SORCS2: variants seen among roughly 807,000 people sequenced by gnomAD.
The protein encoded by SORCS2 is sortilin related VPS10 domain containing receptor 2.
A neutral mutation model predicts 141.6 loss-of-function variants in SORCS2; 100 were observed. The ratio of observed to expected loss-of-function variants is 0.71; its 90% CI spans 0.60 to 0.83. The LOEUF is 0.83. Among genes scored for constraint, SORCS2 ranks in the 40% least tolerant of loss-of-function variants. SORCS2 has a pLI of 0.00. For synonymous variants in SORCS2, 789 were observed against 676.9 expected (o/e 1.17, Z -2.57); for missense variants, 1,646 against 1,560.2 (o/e 1.05, Z -0.93).
chr4:7,348,433 A>C (rs1251029696), intron 1 of SORCS2, among the ~76,000 whole-genome samples: 1 of 152,190 alleles, frequency 6.6e-6, no homozygotes, highest in Non-Finnish European at 1.5e-5. Flanking sequence ...GCTTCCCCAC[A>C]ATGGCCCCAC....
At chr4:7,280,278 G>A (rs1167884823) in intron 1 of SORCS2, among the ~76,000 whole-genome samples, 1 of 152,046 alleles carries the variant, frequency 6.6e-6, no homozygotes, top group African/African-American at 2.4e-5. Flanking sequence ...TAGGAAGAGG[G>A]GCACTGGGTC....
chr4:7,469,423 T>G (rs1729836629), intron 2 of SORCS2, among the ~76,000 whole-genome samples: 2 of 152,240 alleles, frequency 1.3e-5, no homozygotes, highest in Admixed American at 1.3e-4. Context: ...ACCCTAATCC[T>G]AAGCTGTGGT....
At chr4:7,329,945 C>T (rs968255103) in intron 1 of SORCS2, among the ~76,000 whole-genome samples, 5 of 152,110 alleles carry the variant, frequency 3.3e-5, no homozygotes, top group African/African-American at 1.2e-4. Context: ...TTTGGTCTTA[C>T]ACTTTGAGAG....
Position 7,572,990 on chromosome 4 carries a change from T to G in SORCS2, c.648+41361T>G, listed in dbSNP as rs372425096. Among the ~76,000 whole-genome samples the G allele has an allele frequency of 9.8e-5, 15 of 152,324 alleles. No individual in the cohort carries two copies. The East Asian group carries it at 1.9e-3, about 20-fold the overall frequency. ...TGCCCCGTCATAGTCTAAATCCCTTTGGAAAGGAGAGCTTTTTCTCACTTA... is the reference window on the plus strand; with the variant it reads ...TGCCCCGTCATAGTCTAAATCCCTTGGGAAAGGAGAGCTTTTTCTCACTTA... On this transcript the variant is annotated intron_variant, in intron 3 of 26. Transcript: ENST00000507866.
intron 2 of SORCS2, among the ~76,000 whole-genome samples, chr4:7,459,812 C>T (rs1163166421): frequency 6.6e-6 from 1 of 152,194 alleles, no homozygotes; most frequent in Non-Finnish European, 1.5e-5. Context: ...CCTGTGAAGC[C>T]AGCCTGGTCA....
intron 2 of SORCS2, among the ~76,000 whole-genome samples, chr4:7,447,920 A>T (rs1187377093): frequency 6.6e-6 from 1 of 151,348 alleles, no homozygotes. Context: ...CCGCCCCTAG[A>T]TGTGGCCTTC....
At chr4:7,417,037 C>G (rs1725746639) in intron 2 of SORCS2, among the ~76,000 whole-genome samples, 1 of 152,198 alleles carries the variant, frequency 6.6e-6, no homozygotes, top group Non-Finnish European at 1.5e-5. Flanking sequence ...AAGTGACATT[C>G]TGCCCTGGGG....
rs534377487 is a variant in SORCS2, at chr4:7,353,535, G to C, written c.481-42753G>C. Among the ~76,000 whole-genome samples, 38 of 152,354 alleles carry C rather than the reference G, an allele frequency of 2.5e-4. No individual in the cohort carries two copies. The South Asian group carries it at 7.7e-3, about 31-fold the overall frequency. ...GGCCCAGCATGAGGCCTGGCACTTA[G>C]TAGATGCTCAGTAAATCACTGTGGA... is the stretch of plus-strand genomic sequence containing the variant. On this transcript the variant is annotated intron_variant, in intron 1 of 26. Coordinates refer to ENST00000507866, the MANE Select transcript of SORCS2 (RefSeq NM_020777.3).
At chr4:7,451,694 C>T (rs1249163545) in intron 2 of SORCS2, among the ~76,000 whole-genome samples, 3 of 152,220 alleles carry the variant, frequency 2.0e-5, no homozygotes, top group Non-Finnish European at 4.4e-5. Flanking sequence ...CTGGGCTTTG[C>T]CACTGGGGTG....
chr4:7,645,131 A>C (rs1280261835), intron 4 of SORCS2, among the ~76,000 whole-genome samples: 1 of 152,210 alleles, frequency 6.6e-6, no homozygotes, highest in Non-Finnish European at 1.5e-5. Flanking sequence ...ACCCACGGTG[A>C]CGACTCGCTT....
chr4:7,714,227 G>T lies in SORCS2; in HGVS notation c.1990-13G>T. 6.2e-7 allele frequency: 1 copy of T among 1,608,422 alleles called. No individual in the cohort carries two copies. Among genetic ancestry groups the T allele is most frequent in the South Asian group, 1.1e-5 (1 of 89,218 alleles). On this transcript the variant is annotated splice_polypyrimidine_tract_variant and intron_variant, in intron 15 of 26. Coordinates refer to ENST00000507866, the MANE Select transcript of SORCS2 (RefSeq NM_020777.3). The stretch of plus-strand genomic sequence containing the variant: ...GTCTCAGGCAGCTCCTTACCCTGAT[G>T]TTCCTGCTGCAGGGCGACCGCTGTA...
intron 2 of SORCS2, among the ~76,000 whole-genome samples, chr4:7,500,848 G>C (rs775263020): frequency 6.6e-6 from 1 of 152,154 alleles, no homozygotes; most frequent in Admixed American, 6.5e-5. Context: ...CTCTCACCTC[G>C]ATGCTGGGAG....
At chr4:7,544,728 G>A (rs1713111560) in intron 3 of SORCS2, among the ~76,000 whole-genome samples, 1 of 152,242 alleles carries the variant, frequency 6.6e-6, no homozygotes, top group Admixed American at 6.5e-5. Flanking sequence ...GCCCTTGCAG[G>A]CTCTGAGCAC....
At chr4:7,388,030 G>A (rs377358844) in intron 1 of SORCS2, among the ~76,000 whole-genome samples, 13 of 126,862 alleles carry the variant, frequency 1.0e-4, no homozygotes, top group East Asian at 7.8e-4. Context: ...ACACAGATAC[G>A]CACACATGCA....
intron 1 of SORCS2, among the ~76,000 whole-genome samples, chr4:7,365,815 G>A (rs1030621266): frequency 6.6e-6 from 1 of 152,154 alleles, no homozygotes; most frequent in Non-Finnish European, 1.5e-5. Flanking sequence ...TTGAGAGAGC[G>A]AGCCAGGCAC....
intron 3 of SORCS2, among the ~76,000 whole-genome samples, chr4:7,592,760 C>G (rs114377546): frequency 0.022 from 3,290 of 152,318 alleles, 137 homozygotes; most frequent in African/African-American, 0.075. Flanking sequence ...GGATTGGCAG[C>G]AAAACCTAGC....
chr4:7,203,383 C>T (rs1390705306), intron 1 of SORCS2, among the ~76,000 whole-genome samples: 2 of 152,288 alleles, frequency 1.3e-5, no homozygotes, highest in South Asian at 2.1e-4. Flanking sequence ...GAGATTGTGC[C>T]ACTGCACTCT....
At chr4:7,476,620 G>A (rs183260590) in intron 2 of SORCS2, among the ~76,000 whole-genome samples, 2 of 152,156 alleles carry the variant, frequency 1.3e-5, no homozygotes, top group Non-Finnish European at 2.9e-5. Flanking sequence ...GAAAAGCCAA[G>A]TAGAAAATGC....
chr4:7,544,733 G>C (rs376237449), intron 3 of SORCS2, among the ~76,000 whole-genome samples: 21 of 152,368 alleles, frequency 1.4e-4, no homozygotes, highest in African/African-American at 4.6e-4. Flanking sequence ...TGCAGGCTCT[G>C]AGCACCCACA....
Sources: allele counts gnomAD v4.1 joint callset (sites outside exome capture counted in the v4.1 genomes callset), GRCh38; gene constraint gnomAD v4.1.1; transcripts MANE v1.5; gene names NCBI Gene and HGNC (gene_info 2026-07-23, HGNC 2026-07-21).